Variants in GPA33 observed in about 807,000 individuals in gnomAD.
The protein encoded by GPA33 is cell surface A33 antigen.
GPA33 carries 27 observed loss-of-function variants against 35.6 expected under a neutral mutation model. The observed-to-expected ratio is 0.76, with a 90% CI of 0.56 to 1.04. The LOEUF is 1.04. Ranked by LOEUF, GPA33 falls within the 50% of genes least tolerant of loss-of-function variation. The pLI, the probability that GPA33 is intolerant of heterozygous loss-of-function variation, is 0.00. For synonymous variants in GPA33, 176 were observed against 164.0 expected (o/e 1.07, Z -0.56); for missense variants, 428 against 411.9 (o/e 1.04, Z -0.34).
chr1:167,063,868 G>A (rs1666527566), intron 3 of GPA33, 131 bp from the exon 4 acceptor site: 1 of 619,338 alleles, frequency 1.6e-6, no homozygotes, highest in Non-Finnish European at 2.7e-6. Flanking sequence ...CTCCATAGTT[G>A]AGTAGTGAGA....
intron 1 of GPA33, among the ~76,000 whole-genome samples, chr1:167,087,394 G>A (rs1399848290): frequency 6.6e-6 from 1 of 152,124 alleles, no homozygotes; most frequent in Non-Finnish European, 1.5e-5. Context: ...AGCCCTGTTG[G>A]GGCACAGTGT....
intron 1 of GPA33, among the ~76,000 whole-genome samples, chr1:167,089,272 G>GT (rs1189331925): frequency 6.6e-6 from 1 of 152,148 alleles, no homozygotes; most frequent in Non-Finnish European, 1.5e-5. Flanking sequence ...GCTTTCCTGT[G>GT]TATGCTAAAA....
chr1:167,076,941 C>T (rs1032754953), intron 1 of GPA33, among the ~76,000 whole-genome samples: 2 of 152,144 alleles, frequency 1.3e-5, no homozygotes, highest in Non-Finnish European at 1.5e-5. Context: ...CGCAGTGGCT[C>T]GTGCCTGTAA....
chr1:167,056,600 TG>T (rs1316749402), intron 4 of GPA33, among the ~76,000 whole-genome samples: 3 of 48 alleles, frequency 0.062, 1 homozygote, highest in Non-Finnish European at 0.088. Context: ...TGTGTGTATG[TG>T]GTGTGTGTAG....
intron 1 of GPA33, among the ~76,000 whole-genome samples, chr1:167,089,044 A>C (rs986847274): frequency 1.3e-5 from 2 of 152,222 alleles, no homozygotes; most frequent in Non-Finnish European, 2.9e-5. Context: ...CAACCAGTCC[A>C]TCTTGGTGGA....
chr1:167,074,236 G>A (rs1666779159), intron 1 of GPA33, among the ~76,000 whole-genome samples: 1 of 151,814 alleles, frequency 6.6e-6, no homozygotes, highest in African/African-American at 2.4e-5. Context: ...TCGAGCCTGG[G>A]TGCACCTGTG....
chr1:167,057,675 A>T (rs1246174994), intron 4 of GPA33, among the ~76,000 whole-genome samples: 2 of 152,190 alleles, frequency 1.3e-5, no homozygotes, highest in Non-Finnish European at 2.9e-5. Flanking sequence ...GCAAGATTGC[A>T]TCTCAAGATT....
In GPA33 at chr1:167,073,508, T is replaced by C. The variant is rs12034164; in HGVS notation, c.75A>G (p.Glu25=). Residue 25 remains glutamate (E), a synonymous_variant, in exon 2 of 7, where the codon GAA becomes GAG. Transcript: ENST00000367868. Reference sequence around the variant, plus strand: ...AAGCCCGAAGAACGTCCTGCGGAGTTTCCACAGAGATGGCATCGACGGTCA... The same window carrying C: ...AAGCCCGAAGAACGTCCTGCGGAGTCTCCACAGAGATGGCATCGACGGTCA... The part of the protein sequence containing the change: ...VRVTVDAISV[E]TPQDVLRASQ... The C allele has an allele frequency of 4.3e-6, 7 of 1,613,788 alleles. No homozygotes were observed. In the East Asian group the frequency reaches 1.6e-4, roughly 36 times the overall value.
chr1:167,085,939 G>T (rs779059631), intron 1 of GPA33, among the ~76,000 whole-genome samples: 3 of 152,204 alleles, frequency 2.0e-5, no homozygotes, highest in Non-Finnish European at 4.4e-5. Context: ...GACTCAGAAG[G>T]TATGGGGGAG....
At chr1:167,067,391 C>G (rs977609376) in intron 3 of GPA33, among the ~76,000 whole-genome samples, 2 of 152,166 alleles carry the variant, frequency 1.3e-5, no homozygotes, top group Non-Finnish European at 2.9e-5. Context: ...CTTGAGCTAC[C>G]GCACCCGACC....
intron 4 of GPA33, among the ~76,000 whole-genome samples, chr1:167,061,866 TG>T (rs1388738039): frequency 6.6e-6 from 1 of 152,176 alleles, no homozygotes; most frequent in Non-Finnish European, 1.5e-5. Flanking sequence ...CCTCCCAAAG[TG>T]TCTACTAACT....
intron 4 of GPA33, among the ~76,000 whole-genome samples, chr1:167,057,605 C>G (rs1666337360): frequency 6.6e-6 from 1 of 152,212 alleles, no homozygotes; most frequent in African/African-American, 2.4e-5. Context: ...CCTCTTGCCA[C>G]TTGGTGCTAG....
chr1:167,055,710 C>T lies in GPA33; in HGVS notation c.691+20G>A. 2 of 1,610,526 alleles carry T rather than the reference C, an allele frequency of 1.2e-6. No individual in the cohort carries two copies. Among genetic ancestry groups the T allele is most frequent in the Non-Finnish European group, 1.7e-6 (2 of 1,177,896 alleles). ...TATCCTGTGGCGTTTGTCAGCCCTCCCCCCGCAGGCTGCTCTTACGAGATC... is the reference window on the plus strand; with the variant it reads ...TATCCTGTGGCGTTTGTCAGCCCTCTCCCCGCAGGCTGCTCTTACGAGATC... On this transcript the variant is annotated intron_variant, in intron 5 of 6. Transcript: ENST00000367868.
At chr1:167,061,508 T>C (rs557026393) in intron 4 of GPA33, among the ~76,000 whole-genome samples, 1 of 150,808 alleles carries the variant, frequency 6.6e-6, no homozygotes, top group South Asian at 2.1e-4. Flanking sequence ...CAGAAATACG[T>C]AAACACAACT....
chr1:167,056,469 G>T (rs1003745506), intron 4 of GPA33, among the ~76,000 whole-genome samples: 8 of 149,212 alleles, frequency 5.4e-5, no homozygotes, highest in Non-Finnish European at 1.2e-4. Flanking sequence ...TGGTGTGTCA[G>T]TGTGTGTGGT....
In GPA33 at chr1:167,055,809, G is replaced by A. The variant is rs1330230135; in HGVS notation, c.612C>T (p.Asp204=). The A allele has an allele frequency of 4.3e-6, 7 of 1,613,818 alleles. No individual in the cohort carries two copies. Among genetic ancestry groups the A allele is most frequent in the Non-Finnish European group, 4.2e-6 (5 of 1,179,730 alleles). ...QPVSLKNIST[D]TSGYYICTSS... ...AGGTACAGATGTAGTAACCCGATGT[G>A]TCTGTGGAGATATTCTTCAGGGAGA... is the stretch of plus-strand genomic sequence containing the variant. The change falls in exon 5 of 7, where the codon GAC becomes GAT. Residue 204 remains aspartate, a synonymous_variant. Coordinates refer to ENST00000367868, the MANE Select transcript of GPA33 (RefSeq NM_005814.3).
chr1:167,055,251 G>T, intron 5 of GPA33, 140 bp from the exon 6 acceptor site: 1 of 756,538 alleles, frequency 1.3e-6, no homozygotes, highest in Non-Finnish European at 2.1e-6. Context: ...ACCAGCCATG[G>T]CCCAGGAATA....
rs778368595 is a variant in GPA33 at position 167,063,709 on chromosome 1, G to A, written c.444C>T (p.Ile148=). 45 of 1,613,200 alleles carry A rather than the reference G, an allele frequency of 2.8e-5. No individual in the cohort carries two copies. Among genetic ancestry groups the A allele is most frequent in the East Asian group, 1.1e-4 (5 of 44,872 alleles). The change falls in exon 4 of 7, where the codon ATC becomes ATT. Residue 148 remains isoleucine, a synonymous_variant. Transcript: ENST00000367868. ...LVPPSKPECG[I]EGETIIGNNI... is the part of the protein sequence containing the mutation. ...TGTTCCCAATTATGGTCTCTCCCTCGATGCCGCATTCTGGTTTGGAGGGTG... is the reference window on the plus strand; with the variant it reads ...TGTTCCCAATTATGGTCTCTCCCTCAATGCCGCATTCTGGTTTGGAGGGTG...
chr1:167,068,992 G>T lies in GPA33; in HGVS notation c.345C>A (p.Tyr115Ter), dbSNP rs146226279. Reference sequence around the variant, plus strand: ...CTGACATCAGCGAGACAGAACACTCGTAGGTGCCGTTGTCAGCCATGGTCA... The same window carrying T: ...CTGACATCAGCGAGACAGAACACTCTTAGGTGCCGTTGTCAGCCATGGTCA... ...DQLTMADNGT[Y>*]ECSVSLMSDL... Residue 115 changes from tyrosine (Y) to a stop codon, truncating the protein, a stop_gained, in exon 3 of 7, where the codon TAC becomes TAA. Transcript: ENST00000367868. LOFTEE classifies it high-confidence loss of function. 6.2e-7 allele frequency: 1 copy of T among 1,614,068 alleles called. No individual in the cohort carries two copies. The highest frequency in any genetic ancestry group is 1.1e-5 in the South Asian group (1 of 91,070).
Sources: gnomAD v4.1 joint callset for allele counts (sites outside exome capture counted in the v4.1 genomes callset) on GRCh38, gnomAD v4.1.1 for gene constraint, MANE v1.5 for transcripts, NCBI Gene and HGNC (gene_info 2026-07-23, HGNC 2026-07-21) for gene names.